MAPK10: variants seen among roughly 807,000 people sequenced by gnomAD.
The protein encoded by MAPK10 is JNK3 alpha protein kinase.
Under a neutral mutation model 59.3 loss-of-function variants are expected in MAPK10, and 25 were observed. That is an observed-to-expected ratio of 0.42 (90% CI 0.31 to 0.59). The LOEUF is 0.59. Ranked by LOEUF, MAPK10 falls within the 20% of genes least tolerant of loss-of-function variation. MAPK10 has a pLI of 0.15. For synonymous variants in MAPK10, 190 were observed against 200.5 expected (o/e 0.95, Z 0.44); for missense variants, 351 against 568.9 (o/e 0.62, Z 3.90).
chr4:86,434,605 C>T (rs967302926), intron 1 of MAPK10, among the ~76,000 whole-genome samples: 5 of 152,188 alleles, frequency 3.3e-5, no homozygotes, highest in African/African-American at 1.2e-4. Flanking sequence ...TGTCATCTCA[C>T]ACCAGTTAAA....
intron 1 of MAPK10, among the ~76,000 whole-genome samples, chr4:86,577,684 C>T (rs72665758): frequency 0.026 from 3,996 of 152,118 alleles, 71 homozygotes; most frequent in Middle Eastern, 0.061. Flanking sequence ...AATAAAATAG[C>T]CCAAGAAAAT....
intron 1 of MAPK10, among the ~76,000 whole-genome samples, chr4:86,520,260 T>C (rs868847994): frequency 1.3e-5 from 2 of 152,222 alleles, no homozygotes; most frequent in Non-Finnish European, 2.9e-5. Flanking sequence ...ATTATTCTTA[T>C]GTTTGGTTGT....
At chr4:86,089,523 T>A (rs2052652923) in intron 9 of MAPK10, 1 of 376,580 alleles carries the variant, frequency 2.7e-6, no homozygotes. Flanking sequence ...AGAATAATAT[T>A]ACTTTGCAAT....
chr4:86,474,014 C>T (rs1333970108), intron 1 of MAPK10, among the ~76,000 whole-genome samples: 6 of 152,256 alleles, frequency 3.9e-5, no homozygotes, highest in Middle Eastern at 3.4e-3. Context: ...TTAACAACTT[C>T]GTCCCACATA....
chr4:86,296,852 C>A (rs1360275964), intron 2 of MAPK10, among the ~76,000 whole-genome samples: 1 of 152,194 alleles, frequency 6.6e-6, no homozygotes, highest in Non-Finnish European at 1.5e-5. Flanking sequence ...TTCCTTAAAA[C>A]AATTTTTGTA....
intron 2 of MAPK10, among the ~76,000 whole-genome samples, chr4:86,263,499 C>G (rs1244171219): frequency 6.6e-6 from 1 of 152,150 alleles, no homozygotes. Flanking sequence ...TGCCCTCCCT[C>G]CAACAAGACC....
intron 2 of MAPK10, among the ~76,000 whole-genome samples, chr4:86,233,653 G>GA (rs1038529135): frequency 8.5e-5 from 13 of 152,134 alleles, no homozygotes; most frequent in African/African-American, 3.1e-4. Context: ...CATAGCCTCC[G>GA]AGTGTGAGCA....
At chr4:86,443,470 C>T (rs1031257350) in intron 1 of MAPK10, among the ~76,000 whole-genome samples, 2 of 152,134 alleles carry the variant, frequency 1.3e-5, no homozygotes, top group Non-Finnish European at 1.5e-5. Context: ...CCAACTCCAG[C>T]TCCCTCTAGC....
At chr4:86,119,936 T>C (rs2058963818) in intron 4 of MAPK10, 1 of 152,262 alleles carries the variant, frequency 6.6e-6, no homozygotes, top group South Asian at 2.1e-4. Context: ...GAGGCTTCTA[T>C]TGAGATTGTA....
At chr4:86,316,379 A>G (rs955483132) in intron 2 of MAPK10, among the ~76,000 whole-genome samples, 2 of 152,208 alleles carry the variant, frequency 1.3e-5, no homozygotes, top group Non-Finnish European at 2.9e-5. Flanking sequence ...GAAAGAAGAG[A>G]GAGAGAATTG....
At chr4:86,546,354 C>T (rs1275941785) in intron 1 of MAPK10, among the ~76,000 whole-genome samples, 9 of 151,828 alleles carry the variant, frequency 5.9e-5, no homozygotes, top group Non-Finnish European at 2.9e-5. Context: ...TCGAGACAAG[C>T]CTGGCCAACA....
chr4:86,091,009 G>T (rs2053024855), intron 9 of MAPK10: 1 of 151,880 alleles, frequency 6.6e-6, no homozygotes. Flanking sequence ...CCTTGGCCAG[G>T]TTACTTCTCT....
chr4:86,217,761 T>A (rs1328036585), intron 2 of MAPK10, among the ~76,000 whole-genome samples: 1 of 152,114 alleles, frequency 6.6e-6, no homozygotes, highest in East Asian at 1.9e-4. Context: ...TACCTATTTG[T>A]AAAGCATAAA....
chr4:86,576,750 A>G lies in MAPK10; in HGVS notation c.-263+17160T>C, dbSNP rs368211762. Among the ~76,000 whole-genome samples the G allele has an allele frequency of 4.3e-3, 635 of 148,884 alleles. 2 individuals are homozygous for G. The highest frequency in any genetic ancestry group is 0.014 in the African/African-American group (585 of 40,430). On this transcript the variant is annotated intron_variant, in intron 1 of 4. Transcript: ENST00000502302. ...AGATCGCGCCACTGTAGTCCAGCCT[A>G]GGGGACAGTGCGAGACTCCGTCCCA...
At chr4:86,109,403 G>A (rs1208863761) in intron 4 of MAPK10, among the ~76,000 whole-genome samples, 1 of 151,870 alleles carries the variant, frequency 6.6e-6, no homozygotes, top group Non-Finnish European at 1.5e-5. Flanking sequence ...TGGCCCCAAC[G>A]GGCCCCAATG....
chr4:86,448,713 G>A (rs1750344741), intron 1 of MAPK10, among the ~76,000 whole-genome samples: 1 of 152,176 alleles, frequency 6.6e-6, no homozygotes, highest in Non-Finnish European at 1.5e-5. Flanking sequence ...ACCAAGGGCA[G>A]AGCAGGGAGG....
intron 1 of MAPK10, among the ~76,000 whole-genome samples, chr4:86,443,381 C>G (rs1049449263): frequency 6.6e-6 from 1 of 151,804 alleles, no homozygotes; most frequent in Admixed American, 6.6e-5. Flanking sequence ...AGAGTTTTAT[C>G]AGAGCCTAAC....
At chr4:86,576,457 T>G (rs1761895519) in intron 1 of MAPK10, among the ~76,000 whole-genome samples, 1 of 152,082 alleles carries the variant, frequency 6.6e-6, no homozygotes, top group Non-Finnish European at 1.5e-5. Context: ...GACCTGAATT[T>G]CCAGTGCCCA....
intron 4 of MAPK10, among the ~76,000 whole-genome samples, chr4:86,148,551 A>C (rs967601966): frequency 2.6e-5 from 4 of 152,218 alleles, no homozygotes; most frequent in African/African-American, 9.6e-5. Context: ...GCGGGGTATG[A>C]TGAAGACCTG....
Sources: allele counts gnomAD v4.1 joint callset (sites outside exome capture counted in the v4.1 genomes callset), GRCh38; gene constraint gnomAD v4.1.1; transcripts MANE v1.5; gene names NCBI Gene and HGNC (gene_info 2026-07-23, HGNC 2026-07-21).